The following PGM1 variants were observed in gnomAD, a reference collection of about 807,000 sequenced individuals.
PGM1 encodes phosphoglucomutase-1.
In PGM1, 52 loss-of-function variants were observed where a neutral mutation model predicts 55.6. That is an observed-to-expected ratio of 0.94 (90% CI 0.75 to 1.18). The LOEUF (loss-of-function observed/expected upper bound fraction) is 1.18. Among genes scored for constraint, PGM1 ranks in the 50% most tolerant of loss-of-function variants. The pLI, the probability that PGM1 is intolerant of heterozygous loss-of-function variation, is 0.00. For synonymous variants in PGM1, 287 were observed against 271.7 expected (o/e 1.06, Z -0.55); for missense variants, 724 against 729.3 (o/e 0.99, Z 0.08).
intron 9 of PGM1, among the ~76,000 whole-genome samples, 185 bp downstream of exon 9, chr1:63,652,037 G>A (rs1178294677): frequency 6.6e-6 from 1 of 152,136 alleles, no homozygotes; most frequent in African/African-American, 2.4e-5. Flanking sequence ...TTGGGACAGT[G>A]GTTTATGCCC....
chr1:63,604,950 TGTGTGTGTG>T (rs1557703402), intron 1 of PGM1, among the ~76,000 whole-genome samples: 26 of 140,836 alleles, frequency 1.8e-4, no homozygotes, highest in African/African-American at 6.8e-4. Context: ...TGTGTGTGTG[TGTGTGTGTG>T]TAAAGAGAGG....
rs548040301 is a variant in PGM1, at chr1:63,648,532, G to A, written c.1160G>A (p.Arg387His). 3.5e-5 allele frequency: 57 copies of A among 1,614,074 alleles called. No homozygotes were observed. The highest frequency in any genetic ancestry group is 1.3e-4 in the East Asian group (6 of 44,840). Reference sequence around the variant, plus strand: ...CCCCCTCCAGGTTCTGACCACATCCGTGAGAAAGATGGACTGTGGGCTGTC... The same window carrying A: ...CCCCCTCCAGGTTCTGACCACATCCATGAGAAAGATGGACTGTGGGCTGTC... ...ESFGTGSDHI[R>H]EKDGLWAVLA... The change falls in exon 8 of 11, where the codon CGT (arginine) becomes CAT (histidine). Residue 387 changes from arginine (R) to histidine (H), a missense_variant. Coordinates refer to ENST00000371084, the MANE Select transcript of PGM1 (RefSeq NM_002633.3).
intron 6 of PGM1, 56 bp downstream of exon 6, chr1:63,636,444 T>G: frequency 6.6e-7 from 1 of 1,508,580 alleles, no homozygotes; most frequent in Non-Finnish European, 9.2e-7. Context: ...GTCTTCACCA[T>G]ACCCTTCACT....
chr1:63,616,530 T>C (rs1472369258), intron 1 of PGM1, among the ~76,000 whole-genome samples: 3 of 152,210 alleles, frequency 2.0e-5, no homozygotes, highest in Non-Finnish European at 4.4e-5. Flanking sequence ...CTTATCTATC[T>C]CTCCTTCTGC....
At chr1:63,633,926 ATATATATTTTTTTTTTTTT>A (rs1557433724) in intron 4 of PGM1, among the ~76,000 whole-genome samples, 37 of 64,788 alleles carry the variant, frequency 5.7e-4, no homozygotes, top group African/African-American at 3.6e-3. Flanking sequence ...GTGTATATAT[ATATATATTTTTTTTTTTTT>A]TTTTTTTTTT....
intron 10 of PGM1, among the ~76,000 whole-genome samples, chr1:63,655,202 A>G (rs1649929742): frequency 6.6e-6 from 1 of 151,068 alleles, no homozygotes; most frequent in South Asian, 2.1e-4. Flanking sequence ...CTGGTCTTGA[A>G]TTCCTAGCCT....
At chr1:63,603,747 C>T (rs1170238829) in intron 1 of PGM1, among the ~76,000 whole-genome samples, 1 of 152,174 alleles carries the variant, frequency 6.6e-6, no homozygotes, top group African/African-American at 2.4e-5. Flanking sequence ...TGTAACACAA[C>T]AGGTATGTCT....
chr1:63,593,996 C>A (rs1323954764), intron 1 of PGM1: 1 of 1,164,168 alleles, frequency 8.6e-7, no homozygotes, highest in East Asian at 4.7e-5. Flanking sequence ...CGCGGAGCCT[C>A]CCAAGGTCAC....
intron 1 of PGM1, among the ~76,000 whole-genome samples, chr1:63,618,756 C>A (rs557628157): frequency 6.6e-6 from 1 of 152,218 alleles, no homozygotes; most frequent in African/African-American, 2.4e-5. Context: ...GTGGAGGCAC[C>A]GAGTCCAGAA....
chr1:63,624,346 C>G (rs1648967088), intron 1 of PGM1, among the ~76,000 whole-genome samples: 2 of 152,150 alleles, frequency 1.3e-5, no homozygotes, highest in South Asian at 4.1e-4. Context: ...AAGCCGTGCG[C>G]ATGGTGAATT....
chr1:63,593,894 G>GGA (rs1647953612), intron 1 of PGM1, 160 bp downstream of exon 1: 1 of 1,259,776 alleles, frequency 7.9e-7, no homozygotes, highest in Non-Finnish European at 9.9e-7. Flanking sequence ...CTTCTGGCCT[G>GGA]GAGGCCCGAC....
At chr1:63,597,390 A>G (rs1648109322) in intron 1 of PGM1, among the ~76,000 whole-genome samples, 3 of 152,320 alleles carry the variant, frequency 2.0e-5, no homozygotes, top group African/African-American at 7.2e-5. Context: ...TGTTGTGAGG[A>G]TTAGATGAAA....
intron 1 of PGM1, among the ~76,000 whole-genome samples, chr1:63,615,367 A>G (rs1057034027): frequency 6.6e-6 from 1 of 152,036 alleles, no homozygotes; most frequent in Non-Finnish European, 1.5e-5. Context: ...CACTCTCTGC[A>G]TTTTATGGAA....
chr1:63,622,222 A>G (rs1305627497), intron 1 of PGM1, among the ~76,000 whole-genome samples: 1 of 151,664 alleles, frequency 6.6e-6, no homozygotes, highest in Non-Finnish European at 1.5e-5. Flanking sequence ...ACAGGGTTTC[A>G]CCATGTTGAA....
At chr1:63,652,817 C>A (rs1190269440) in intron 9 of PGM1, among the ~76,000 whole-genome samples, 1 of 152,200 alleles carries the variant, frequency 6.6e-6, no homozygotes, top group Non-Finnish European at 1.5e-5. Flanking sequence ...GGAGTCTCCC[C>A]TCCTCAACTT....
chr1:63,636,403 T>G lies in PGM1; in HGVS notation c.1028+15T>G, dbSNP rs1649364929. On this transcript the variant is annotated intron_variant, in intron 6 of 10. Transcript: ENST00000371084. The stretch of plus-strand genomic sequence containing the variant: ...GCTCTGGACCGGTAGGTGTCTCCAT[T>G]CCCTTGGCCTTCCTGTCTTAGGTCG... 6.2e-7 allele frequency: 1 copy of G among 1,613,562 alleles called. No homozygotes were observed. The highest frequency in any genetic ancestry group is 1.7e-5 in the Admixed American group (1 of 60,026).
At chr1:63,644,196 G>A (rs72920894) in intron 7 of PGM1, among the ~76,000 whole-genome samples, 9,063 of 152,248 alleles carry the variant, frequency 0.06, 938 homozygotes, top group African/African-American at 0.21. Flanking sequence ...TTATCACAAG[G>A]TGCTGATTAG....
intron 10 of PGM1, among the ~76,000 whole-genome samples, chr1:63,655,139 CCT>C (rs1649927029): frequency 6.7e-6 from 1 of 149,434 alleles, no homozygotes; most frequent in Admixed American, 6.6e-5. Context: ...CTGCTCATTT[CCT>C]TTTTTTTTTT....
intron 7 of PGM1, among the ~76,000 whole-genome samples, chr1:63,641,766 T>A (rs564869195): frequency 1.3e-5 from 2 of 152,322 alleles, no homozygotes; most frequent in South Asian, 4.1e-4. Flanking sequence ...GTATATGCCA[T>A]GAGGACAGAG....
Sources: allele counts gnomAD v4.1 joint callset (sites outside exome capture counted in the v4.1 genomes callset), GRCh38; gene constraint gnomAD v4.1.1; transcripts MANE v1.5; gene names NCBI Gene and HGNC (gene_info 2026-07-23, HGNC 2026-07-21).